ARHGAP26: variants seen among roughly 807,000 people sequenced by gnomAD.
ARHGAP26 encodes Rho GTPase activating protein 26.
Under a neutral mutation model 104.8 loss-of-function variants are expected in ARHGAP26, and 38 were observed. The observed-to-expected ratio is 0.36, with a 90% CI of 0.28 to 0.48. The LOEUF (loss-of-function observed/expected upper bound fraction) is 0.48. Among genes scored for constraint, ARHGAP26 ranks in the 20% least tolerant of loss-of-function variants. ARHGAP26 has a pLI of 0.99. For missense variants in ARHGAP26, 704 were observed against 947.9 expected (o/e 0.74, Z 3.38); for synonymous variants, 341 against 340.0 (o/e 1.00, Z -0.03).
chr5:143,048,089 T>G (rs1417110624), intron 14 of ARHGAP26, among the ~76,000 whole-genome samples: 1 of 152,188 alleles, frequency 6.6e-6, no homozygotes, highest in Non-Finnish European at 1.5e-5. Flanking sequence ...CCTCAAGTGA[T>G]CCACCCACCT....
intron 22 of ARHGAP26, chr5:143,216,066 A>C (rs75993342): frequency 9.8e-6 from 4 of 410,046 alleles, no homozygotes; most frequent in African/African-American, 4.2e-5. Flanking sequence ...TTACCATTTT[A>C]TGTTCCTACC....
At chr5:143,155,281 G>A (rs1465628746) in intron 20 of ARHGAP26, among the ~76,000 whole-genome samples, 1 of 152,112 alleles carries the variant, frequency 6.6e-6, no homozygotes, top group Non-Finnish European at 1.5e-5. Context: ...TCAGGCTCCT[G>A]GGCTGTGGAG....
At chr5:143,076,159 ATTTTTTT>A (rs368079758) in intron 17 of ARHGAP26, among the ~76,000 whole-genome samples, 84 of 109,984 alleles carry the variant, frequency 7.6e-4, no homozygotes, top group African/African-American at 1.8e-3. Context: ...GACCTGGCTA[ATTTTTTT>A]TTTTTTTTTT....
At chr5:143,132,618 A>T (rs1168806968) in intron 18 of ARHGAP26, among the ~76,000 whole-genome samples, 1 of 152,192 alleles carries the variant, frequency 6.6e-6, no homozygotes, top group Non-Finnish European at 1.5e-5. Context: ...AATTTCAATG[A>T]TGAAAAGTGT....
In ARHGAP26 at chr5:142,989,026, G is replaced by A. The variant is rs544407624; in HGVS notation, c.1108-25054G>A. ...TTAGGTCTGCTTGGTGCAGAGCTGA[G>A]TTCAATTCCTGGATATCCTTTTTAA... On this transcript the variant is annotated intron_variant, in intron 11 of 22. Transcript: ENST00000645722. 3.9e-5 allele frequency among the ~76,000 whole-genome samples: 6 copies of A among 152,322 alleles called. No individual in the cohort carries two copies. In the East Asian group the frequency reaches 9.6e-4, roughly 24 times the overall value.
chr5:143,087,366 T>C (rs767527625), intron 17 of ARHGAP26, among the ~76,000 whole-genome samples: 1 of 152,170 alleles, frequency 6.6e-6, no homozygotes. Flanking sequence ...TATCTAACTG[T>C]TGTGTTTGTT....
intron 21 of ARHGAP26, among the ~76,000 whole-genome samples, chr5:143,211,804 T>C (rs1320496210): frequency 6.6e-6 from 1 of 152,092 alleles, no homozygotes; most frequent in Non-Finnish European, 1.5e-5. Context: ...CAAGCAATCC[T>C]CCCACCTCCC....
intron 11 of ARHGAP26, among the ~76,000 whole-genome samples, chr5:142,976,238 G>A (rs1051988610): frequency 2.0e-5 from 3 of 152,120 alleles, no homozygotes; most frequent in Non-Finnish European, 4.4e-5. Context: ...CTCCTTTAAA[G>A]CATTTGAAAT....
chr5:142,808,183 T>C (rs1763358704), intron 1 of ARHGAP26, among the ~76,000 whole-genome samples: 1 of 119,774 alleles, frequency 8.3e-6, no homozygotes, highest in African/African-American at 3.2e-5. Context: ...TGCAGCGAGC[T>C]GAGATCACAC....
chr5:143,077,816 C>G (rs1789249695), intron 17 of ARHGAP26, among the ~76,000 whole-genome samples: 1 of 152,196 alleles, frequency 6.6e-6, no homozygotes, highest in Admixed American at 6.5e-5. Context: ...TTCGGACCAC[C>G]TAGAGGGTTC....
At chr5:142,933,390 G>A (rs1182234777) in intron 11 of ARHGAP26, among the ~76,000 whole-genome samples, 1 of 152,176 alleles carries the variant, frequency 6.6e-6, no homozygotes, top group Admixed American at 6.5e-5. Flanking sequence ...CTGAAGCTTA[G>A]GGAGGTTAAG....
chr5:142,923,012 T>C (rs1763406770), intron 10 of ARHGAP26, among the ~76,000 whole-genome samples: 1 of 152,204 alleles, frequency 6.6e-6, no homozygotes, highest in African/African-American at 2.4e-5. Context: ...AATTGCTTTT[T>C]GGCTGTTCTG....
intron 10 of ARHGAP26, among the ~76,000 whole-genome samples, chr5:142,917,106 C>G (rs1160390397): frequency 6.7e-6 from 1 of 150,158 alleles, no homozygotes; most frequent in African/African-American, 2.5e-5. Context: ...GTGGCACGAT[C>G]TCAGCTCACT....
intron 11 of ARHGAP26, among the ~76,000 whole-genome samples, chr5:142,955,126 C>CACACACACACA (rs561605232): frequency 0.031 from 4,580 of 148,676 alleles, 115 homozygotes; most frequent in East Asian, 0.083. Context: ...ACACACACAC[C>CACACACACACA]CCCCATCTCT....
intron 17 of ARHGAP26, among the ~76,000 whole-genome samples, chr5:143,087,636 CTTTT>C (rs35201189): frequency 3.7e-4 from 19 of 51,566 alleles, no homozygotes; most frequent in South Asian, 1.2e-3. Flanking sequence ...CTGGCCCATT[CTTTT>C]TTTTTTTTTT....
chr5:142,953,338 G>A (rs778641581), intron 11 of ARHGAP26, among the ~76,000 whole-genome samples: 20 of 152,332 alleles, frequency 1.3e-4, no homozygotes, highest in South Asian at 6.2e-4. Context: ...CACTTATGCC[G>A]TAAATAGTTC....
intron 20 of ARHGAP26, among the ~76,000 whole-genome samples, chr5:143,196,463 T>G (rs145721403): frequency 5.1e-4 from 78 of 152,246 alleles, no homozygotes; most frequent in African/African-American, 1.7e-3. Context: ...TCACAACATT[T>G]TCATCACCTG....
At chr5:142,814,169 G>T (rs912296174) in intron 1 of ARHGAP26, among the ~76,000 whole-genome samples, 7 of 152,208 alleles carry the variant, frequency 4.6e-5, no homozygotes, top group African/African-American at 1.7e-4. Flanking sequence ...GAATAGTTTG[G>T]GGAAGAATTT....
At chr5:143,032,914 T>G (rs1337835366) in intron 12 of ARHGAP26, among the ~76,000 whole-genome samples, 1 of 152,224 alleles carries the variant, frequency 6.6e-6, no homozygotes, top group African/African-American at 2.4e-5. Flanking sequence ...TGTGATAATT[T>G]ACACTAGTTC....
Sources: gnomAD v4.1 joint callset for allele counts (sites outside exome capture counted in the v4.1 genomes callset) on GRCh38, gnomAD v4.1.1 for gene constraint, MANE v1.5 for transcripts, NCBI Gene and HGNC (gene_info 2026-07-23, HGNC 2026-07-21) for gene names.